ADAMTSL1: variants seen among roughly 807,000 people sequenced by gnomAD.
The protein encoded by ADAMTSL1 is ADAMTS like 1.
A neutral mutation model predicts 201.8 loss-of-function variants in ADAMTSL1; 126 were observed. The observed-to-expected ratio is 0.62, with a 90% confidence interval of 0.54 to 0.72. The LOEUF (loss-of-function observed/expected upper bound fraction) is 0.72, where lower values mean the gene tolerates loss of function less well. Ranked by LOEUF, ADAMTSL1 falls within the 30% of genes least tolerant of loss-of-function variation. The probability of loss-of-function intolerance (pLI) is 0.00; values close to 1 mark genes in which losing one functional copy is unlikely to be tolerated. For synonymous variants in ADAMTSL1, 1,121 were observed against 903.4 expected, an observed-to-expected ratio of 1.24 and a Z score of -4.32; for missense variants, 2,679 against 2,277.8, an observed-to-expected ratio of 1.18 and a Z score of -3.59.
At chr9:18,716,718 T>C (rs62551691) in intron 14 of ADAMTSL1, among the ~76,000 whole-genome samples, 13 of 148,762 alleles carry the variant, frequency 8.7e-5, no homozygotes, top group South Asian at 6.8e-4. Context: ...TACCATTTGA[T>C]CCAGCCATCC....
chr9:17,959,930 A>C (rs1043220675), intron 1 of ADAMTSL1, among the ~76,000 whole-genome samples: 2 of 152,056 alleles, frequency 1.3e-5, no homozygotes, highest in African/African-American at 4.8e-5. Flanking sequence ...TGAACTTTCT[A>C]TCCCTAGGAG....
At chr9:18,877,149 A>G (rs777260027) in intron 23 of ADAMTSL1, among the ~76,000 whole-genome samples, 10 of 151,948 alleles carry the variant, frequency 6.6e-5, no homozygotes, top group Non-Finnish European at 1.3e-4. Context: ...CATATCCTGT[A>G]TCATTTTTTT....
At chr9:18,526,265 C>G (rs7036374) in intron 2 of ADAMTSL1, among the ~76,000 whole-genome samples, 1 of 151,950 alleles carries the variant, frequency 6.6e-6, no homozygotes, top group African/African-American at 2.4e-5. Context: ...GGATTGCAAC[C>G]CCTGCCTTTG....
At chr9:18,618,528 GA>G (rs71333051) in intron 4 of ADAMTSL1, among the ~76,000 whole-genome samples, 1,364 of 127,166 alleles carry the variant, frequency 0.011, 26 homozygotes, top group African/African-American at 0.036. Flanking sequence ...GGGTATACAT[GA>G]AAAAAAAAAC....
intron 1 of ADAMTSL1, among the ~76,000 whole-genome samples, chr9:18,084,233 G>C (rs73420843): frequency 6.6e-6 from 1 of 152,090 alleles, no homozygotes; most frequent in Admixed American, 6.6e-5. Flanking sequence ...TTAAGAGGTG[G>C]TGGTGAGGCT....
intron 2 of ADAMTSL1, among the ~76,000 whole-genome samples, chr9:18,256,517 A>G (rs1165264826): frequency 3.9e-5 from 6 of 152,230 alleles, no homozygotes; most frequent in Non-Finnish European, 1.5e-5. Context: ...CTAAAACACT[A>G]TCCTAGATGT....
chr9:18,504,006 G>A (rs1042157506), intron 1 of ADAMTSL1, among the ~76,000 whole-genome samples: 7 of 151,660 alleles, frequency 4.6e-5, no homozygotes, highest in Non-Finnish European at 1.0e-4. Flanking sequence ...GTGTGTGTGT[G>A]CAGTAGCATG....
intron 2 of ADAMTSL1, among the ~76,000 whole-genome samples, chr9:18,222,035 C>T (rs911868209): frequency 6.6e-6 from 1 of 151,364 alleles, no homozygotes; most frequent in Non-Finnish European, 1.5e-5. Context: ...CCATTTATAC[C>T]CTCTTTATCC....
intron 1 of ADAMTSL1, among the ~76,000 whole-genome samples, chr9:18,478,828 C>G (rs1414047463): frequency 6.6e-6 from 1 of 152,184 alleles, no homozygotes; most frequent in Non-Finnish European, 1.5e-5. Context: ...TCAAGTTTTA[C>G]AGTCTTGTCA....
intron 2 of ADAMTSL1, among the ~76,000 whole-genome samples, chr9:18,300,099 T>A (rs1461668056): frequency 1.3e-5 from 2 of 152,162 alleles, no homozygotes; most frequent in African/African-American, 2.4e-5. Flanking sequence ...GACTCAGCAA[T>A]CCCGTTACTG....
intron 1 of ADAMTSL1, among the ~76,000 whole-genome samples, chr9:18,099,025 G>A (rs994406424): frequency 5.3e-5 from 8 of 151,486 alleles, no homozygotes; most frequent in Admixed American, 6.6e-5. Context: ...TATCATTTAC[G>A]GTGGGAGGAT....
At chr9:17,919,532 T>G (rs1826225809) in intron 1 of ADAMTSL1, among the ~76,000 whole-genome samples, 1 of 152,086 alleles carries the variant, frequency 6.6e-6, no homozygotes, top group African/African-American at 2.4e-5. Context: ...CTTAATACAT[T>G]TCCATGTTCT....
At chr9:18,425,042 C>T (rs1226065360) in intron 2 of ADAMTSL1, among the ~76,000 whole-genome samples, 1 of 152,182 alleles carries the variant, frequency 6.6e-6, no homozygotes, top group East Asian at 1.9e-4. Context: ...ACAATGTTTA[C>T]AAACACTACT....
At chr9:18,821,084 A>T (rs906065291) in intron 21 of ADAMTSL1, among the ~76,000 whole-genome samples, 3 of 152,236 alleles carry the variant, frequency 2.0e-5, no homozygotes, top group African/African-American at 7.2e-5. Context: ...TTTTTCTCCT[A>T]AAAGCAAAGG....
chr9:18,746,084 T>C (rs955074082), intron 15 of ADAMTSL1, among the ~76,000 whole-genome samples: 2 of 152,196 alleles, frequency 1.3e-5, no homozygotes, highest in East Asian at 1.9e-4. Context: ...GCCCTGGACA[T>C]ACTAGCTCCC....
At chr9:18,725,032 A>G (rs1431192003) in intron 15 of ADAMTSL1, among the ~76,000 whole-genome samples, 3 of 151,830 alleles carry the variant, frequency 2.0e-5, no homozygotes, top group East Asian at 1.9e-4. Context: ...TCAGCCTCCC[A>G]AGTAGCTGGA....
At chr9:18,359,701 C>A (rs1836416536) in intron 2 of ADAMTSL1, among the ~76,000 whole-genome samples, 1 of 152,024 alleles carries the variant, frequency 6.6e-6, no homozygotes, top group Non-Finnish European at 1.5e-5. Flanking sequence ...CCATTTTGAT[C>A]ATGTAAGATA....
intron 1 of ADAMTSL1, among the ~76,000 whole-genome samples, chr9:17,927,508 A>G (rs774884199): frequency 2.6e-5 from 4 of 151,932 alleles, no homozygotes; most frequent in Non-Finnish European, 5.9e-5. Flanking sequence ...AATTATATAT[A>G]TATGGCCCTC....
intron 2 of ADAMTSL1, among the ~76,000 whole-genome samples, chr9:18,338,379 C>A (rs373598058): frequency 6.6e-6 from 1 of 152,120 alleles, no homozygotes; most frequent in South Asian, 2.1e-4. Flanking sequence ...TATTTCCATT[C>A]AGGTTCCTAC....
Sources: gnomAD v4.1 joint callset for allele counts (sites outside exome capture counted in the v4.1 genomes callset) on GRCh38, gnomAD v4.1.1 for gene constraint, MANE v1.5 for transcripts, NCBI Gene and HGNC (gene_info 2026-07-23, HGNC 2026-07-21) for gene names.